Variants in DLC1 observed in about 807,000 individuals in gnomAD.
DLC1 encodes the protein DLC1 Rho GTPase activating protein.
DLC1 carries 54 observed loss-of-function variants against 140.3 expected under a neutral mutation model. The ratio of observed to expected loss-of-function variants is 0.38; its 90% CI spans 0.31 to 0.48. The LOEUF is 0.48. DLC1 is among the 20% of genes least tolerant of loss of function. The pLI, the probability that DLC1 is intolerant of heterozygous loss-of-function variation, is 0.96. For missense variants in DLC1, 2,536 were observed against 1,907.0 expected (o/e 1.33, Z -6.14); for synonymous variants, 986 against 728.1 (o/e 1.35, Z -5.70).
At chr8:13,162,482 C>G (rs1824780119) in intron 5 of DLC1, among the ~76,000 whole-genome samples, 1 of 152,118 alleles carries the variant, frequency 6.6e-6, no homozygotes, top group Non-Finnish European at 1.5e-5. Flanking sequence ...GCCACCAAAC[C>G]CGGCTAATTT....
intron 2 of DLC1, among the ~76,000 whole-genome samples, chr8:13,468,811 C>CTTTTTTTTTTTTTTTTTT (rs78775803): frequency 6.7e-5 from 6 of 89,962 alleles, no homozygotes; most frequent in South Asian, 4.4e-4. Context: ...TTTATGTCTG[C>CTTTTTTTTTTTTTTTTTT]TTTTTTTTTT....
chr8:13,590,237 T>G (rs1212293201), intron 1 of DLC1, among the ~76,000 whole-genome samples: 1 of 151,998 alleles, frequency 6.6e-6, no homozygotes, highest in African/African-American at 2.4e-5. Flanking sequence ...CTTTCCAACA[T>G]TCTGGTGATT....
chr8:13,091,460 C>T, intron 13 of DLC1, 28 bp from the exon 14 acceptor site: 1 of 1,583,598 alleles, frequency 6.3e-7, no homozygotes, highest in South Asian at 1.1e-5. Flanking sequence ...AGGAGGGGAA[C>T]AGTTCAAATA....
chr8:13,400,672 G>A (rs1837254703), intron 3 of DLC1, among the ~76,000 whole-genome samples: 1 of 151,970 alleles, frequency 6.6e-6, no homozygotes, highest in African/African-American at 2.4e-5. Flanking sequence ...CTACTGCTTT[G>A]ATCTCAGGTA....
rs567544219 is a variant in DLC1, at chr8:13,576,010, G to A, written c.-126+28527C>T. On this transcript the variant is annotated intron_variant, in intron 1 of 1. Coordinates refer to the DLC1 transcript ENST00000631382. ...TACCATTGGCAGAACTAGAGGGCTA[G>A]ACCACTGGCAATGGCCTGTAAAAGT... Among the ~76,000 whole-genome samples, 9 of 152,302 alleles carry A rather than the reference G, an allele frequency of 5.9e-5. No individual in the cohort carries two copies. The East Asian group carries it at 1.7e-3, about 29-fold the overall frequency.
intron 5 of DLC1, among the ~76,000 whole-genome samples, chr8:13,220,146 A>G (rs966861963): frequency 6.6e-6 from 1 of 152,098 alleles, no homozygotes; most frequent in East Asian, 1.9e-4. Flanking sequence ...ATGCCCTTGG[A>G]TTGTACATTT....
chr8:13,592,329 T>A (rs1218157070), intron 1 of DLC1, among the ~76,000 whole-genome samples: 1 of 152,132 alleles, frequency 6.6e-6, no homozygotes, highest in Non-Finnish European at 1.5e-5. Flanking sequence ...CCCTCTGTGT[T>A]ATATTTAAAT....
At chr8:13,267,568 A>G (rs1424139235) in intron 5 of DLC1, among the ~76,000 whole-genome samples, 3 of 152,226 alleles carry the variant, frequency 2.0e-5, no homozygotes, top group Non-Finnish European at 2.9e-5. Flanking sequence ...AAAATCAACC[A>G]GATAAAACAA....
At chr8:13,527,927 C>A (rs941619504) in intron 1 of DLC1, among the ~76,000 whole-genome samples, 10 of 152,066 alleles carry the variant, frequency 6.6e-5, no homozygotes, top group Non-Finnish European at 1.0e-4. Flanking sequence ...AGTTTTAACG[C>A]TATAAACCAG....
intron 1 of DLC1, among the ~76,000 whole-genome samples, chr8:13,587,623 ATACATTGCCTATATATATATGTATGTT>A (rs1403265470): frequency 3.9e-4 from 56 of 142,570 alleles, no homozygotes; most frequent in African/African-American, 1.4e-3. Flanking sequence ...ATATATATAT[ATACATTGCCTATATATATATGTATGTT>A]TATATAGGCG....
chr8:13,298,912 T>G (rs1256802788), intron 5 of DLC1, among the ~76,000 whole-genome samples: 1 of 152,190 alleles, frequency 6.6e-6, no homozygotes, highest in Non-Finnish European at 1.5e-5. Flanking sequence ...TGATAATGCT[T>G]TGTTTTGCAT....
intron 2 of DLC1, among the ~76,000 whole-genome samples, chr8:13,467,702 G>A (rs1310870076): frequency 6.6e-6 from 1 of 152,120 alleles, no homozygotes; most frequent in Admixed American, 6.6e-5. Flanking sequence ...CTGCATTCCA[G>A]CCTGGGTAAC....
At chr8:13,567,325 A>C (rs1421819749) in intron 1 of DLC1, 9 of 1,551,672 alleles carry the variant, frequency 5.8e-6, no homozygotes, top group Non-Finnish European at 7.8e-6. Context: ...AACAGAAATC[A>C]CTCGGGTATC....
At chr8:13,312,386 A>AAAAAAAAAAAAAAAAAAAAT (rs71207139) in intron 4 of DLC1, among the ~76,000 whole-genome samples, 24 of 81,680 alleles carry the variant, frequency 2.9e-4, no homozygotes, top group Non-Finnish European at 4.0e-4. Context: ...AAAAAAAAAA[A>AAAAAAAAAAAAAAAAAAAAT]AATAATTTCT....
At chr8:13,133,947 G>A (rs963961787) in intron 5 of DLC1, among the ~76,000 whole-genome samples, 1 of 152,176 alleles carries the variant, frequency 6.6e-6, no homozygotes, top group Non-Finnish European at 1.5e-5. Context: ...TACTGCCTTA[G>A]AGGAATTGAG....
intron 4 of DLC1, among the ~76,000 whole-genome samples, chr8:13,337,723 C>A (rs1481256141): frequency 6.6e-6 from 1 of 152,074 alleles, no homozygotes; most frequent in Non-Finnish European, 1.5e-5. Flanking sequence ...CTTTCCCATC[C>A]GTTTTGGTAC....
At chr8:13,111,519 T>C (rs1820109355) in intron 6 of DLC1, among the ~76,000 whole-genome samples, 1 of 152,182 alleles carries the variant, frequency 6.6e-6, no homozygotes, top group Non-Finnish European at 1.5e-5. Context: ...GTATCAGAAC[T>C]GAAAACCAGA....
chr8:13,097,992 T>C (rs1041545825), intron 10 of DLC1, among the ~76,000 whole-genome samples: 1 of 128,090 alleles, frequency 7.8e-6, no homozygotes. Context: ...CAGACCAGCC[T>C]AGTTAACACG....
chr8:13,602,567 G>A (rs1805924001), intron 1 of DLC1, among the ~76,000 whole-genome samples: 1 of 151,786 alleles, frequency 6.6e-6, no homozygotes, highest in Non-Finnish European at 1.5e-5. Flanking sequence ...ACAAGTTGAA[G>A]TGGCTGTATA....
Sources: gnomAD v4.1 joint callset for allele counts (sites outside exome capture counted in the v4.1 genomes callset) on GRCh38, gnomAD v4.1.1 for gene constraint, MANE v1.5 for transcripts, NCBI Gene and HGNC (gene_info 2026-07-23, HGNC 2026-07-21) for gene names.